Variants in FHOD3 observed in about 807,000 individuals in gnomAD.
FHOD3 encodes formin homology 2 domain containing 3.
A neutral mutation model predicts 173.0 loss-of-function variants in FHOD3; 90 were observed. The observed-to-expected ratio is 0.52, with a 90% CI of 0.44 to 0.62. The LOEUF (loss-of-function observed/expected upper bound fraction) is 0.62. Among genes scored for constraint, FHOD3 ranks in the 20% least tolerant of loss-of-function variants. The pLI is 0.00. For missense variants in FHOD3, 1,945 were observed against 2,034.7 expected (o/e 0.96, Z 0.85); for synonymous variants, 828 against 823.0 (o/e 1.01, Z -0.10).
Position 36,514,014 on chromosome 18 carries a change from C to CTTTTTTTTTTTTTTTT in FHOD3, c.511+1483_511+1484insTTTTTTTTTTTTTTTT, listed in dbSNP as rs58493993. Among the ~76,000 whole-genome samples, 966 of 104,268 alleles carry CTTTTTTTTTTTTTTTT rather than the reference C, an allele frequency of 9.3e-3. 116 individuals carry two copies. The highest frequency in any genetic ancestry group is 0.012 in the Non-Finnish European group (598 of 51,820). 68.4% of individuals were successfully genotyped at this position (104,268 alleles called of 152,430 possible). On this transcript the variant is annotated intron_variant, in intron 5 of 28. Transcript: ENST00000590592. ...ATTGCTGAATTTTGCTATTTCTATT[C>CTTTTTTTTTTTTTTTT]TTTTTTTTTTTTGAGATGGAGTCTT... is the stretch of plus-strand genomic sequence containing the variant.
At chr18:36,556,278 AT>A (rs947454822) in intron 5 of FHOD3, among the ~76,000 whole-genome samples, 3 of 151,890 alleles carry the variant, frequency 2.0e-5, no homozygotes, top group African/African-American at 4.8e-5. Context: ...TTATATATGA[AT>A]TTTTTTTCAG....
At chr18:36,633,253 A>G (rs1327950161) in intron 10 of FHOD3, among the ~76,000 whole-genome samples, 2 of 152,142 alleles carry the variant, frequency 1.3e-5, no homozygotes, top group African/African-American at 4.8e-5. Flanking sequence ...CTCAGATCTT[A>G]TTGGGAAGCT....
chr18:36,430,782 C>G (rs112542872), intron 3 of FHOD3, among the ~76,000 whole-genome samples: 1 of 152,128 alleles, frequency 6.6e-6, no homozygotes, highest in African/African-American at 2.4e-5. Context: ...GCAAGAGACT[C>G]TTGTAAATAT....
At position 36,652,535 on chromosome 18, in the gene FHOD3, TTTC is replaced by T. The variant is rs532630061; in HGVS notation, c.1287-28_1287-26del. ...TTGCTCCTTCTCTCCCAAATCTTTT[TTTC>T]TTCTTCCTCCTCCTCCCTGCTGGCC... On this transcript the variant is annotated intron_variant, in intron 11 of 28. Transcript: ENST00000590592. 995 of 1,496,924 alleles carry T rather than the reference TTTC, an allele frequency of 6.6e-4. 7 individuals are homozygous for T. In the African/African-American group the frequency reaches 0.012, roughly 18 times the overall value. The allele number at this position is 1,496,924 out of a possible 1,614,324, so 92.7% of individuals were successfully genotyped here.
chr18:36,650,445 A>G (rs551771328), intron 11 of FHOD3, among the ~76,000 whole-genome samples: 1 of 152,318 alleles, frequency 6.6e-6, no homozygotes, highest in South Asian at 2.1e-4. Context: ...CTATTTGGAA[A>G]TGACTGAGAA....
At chr18:36,695,067 G>A (rs1179811922) in intron 17 of FHOD3, among the ~76,000 whole-genome samples, 2 of 151,964 alleles carry the variant, frequency 1.3e-5, no homozygotes, top group East Asian at 3.9e-4. Context: ...TTGCAGCTGG[G>A]CACAGTGGCT....
chr18:36,610,986 C>G (rs373830673), intron 8 of FHOD3, among the ~76,000 whole-genome samples: 5 of 152,314 alleles, frequency 3.3e-5, no homozygotes, highest in African/African-American at 1.2e-4. Flanking sequence ...CAGGCTCCTT[C>G]CATCTGTGAG....
At chr18:36,566,616 A>T (rs1242071469) in intron 5 of FHOD3, among the ~76,000 whole-genome samples, 1 of 152,166 alleles carries the variant, frequency 6.6e-6, no homozygotes, top group Non-Finnish European at 1.5e-5. Context: ...TGGAAAAGTC[A>T]TTGGTAAGAA....
At chr18:36,671,234 G>T (rs1362707310) in intron 14 of FHOD3, among the ~76,000 whole-genome samples, 1 of 152,156 alleles carries the variant, frequency 6.6e-6, no homozygotes, top group Non-Finnish European at 1.5e-5. Context: ...TCCCAGCTTT[G>T]TCTCCTCTAC....
intron 20 of FHOD3, among the ~76,000 whole-genome samples, chr18:36,733,959 G>T (rs1455394096): frequency 6.6e-6 from 1 of 152,162 alleles, no homozygotes; most frequent in Non-Finnish European, 1.5e-5. Flanking sequence ...CTGCGGTTTT[G>T]TGGGGTGGCT....
At chr18:36,328,611 G>A (rs762147966) in intron 1 of FHOD3, among the ~76,000 whole-genome samples, 3 of 152,178 alleles carry the variant, frequency 2.0e-5, no homozygotes, top group African/African-American at 4.8e-5. Flanking sequence ...CTGGCTGTTG[G>A]GTGGAGAGAG....
chr18:36,306,633 C>G (rs1236061484), intron 1 of FHOD3, among the ~76,000 whole-genome samples: 3 of 152,196 alleles, frequency 2.0e-5, no homozygotes, highest in Non-Finnish European at 4.4e-5. Context: ...GGGCAAACTC[C>G]AAAGTCCTCG....
intron 3 of FHOD3, among the ~76,000 whole-genome samples, chr18:36,434,781 A>G (rs143457070): frequency 1.6e-4 from 25 of 152,172 alleles, no homozygotes; most frequent in Admixed American, 4.6e-4. Flanking sequence ...ATACTTTGTT[A>G]AATTTATTCT....
At position 36,546,366 on chromosome 18, in the gene FHOD3, T is replaced by C. The variant is rs1451312038; in HGVS notation, c.512-30085T>C. Among the ~76,000 whole-genome samples the C allele has an allele frequency of 3.9e-5, 6 of 152,208 alleles. No individual in the cohort carries two copies. In the East Asian group the frequency reaches 5.8e-4, roughly 15 times the overall value. ...GTCGCAGTTCCTTACATGTGTACTT[T>C]AGAGTTTTGATATTTCATTTAAAAG... On this transcript the variant is annotated intron_variant, in intron 5 of 28. Transcript: ENST00000590592.
intron 3 of FHOD3, among the ~76,000 whole-genome samples, chr18:36,418,280 A>C (rs2049782117): frequency 6.6e-6 from 1 of 152,202 alleles, no homozygotes; most frequent in Non-Finnish European, 1.5e-5. Context: ...ATGTACTCTG[A>C]AAAGGAATTT....
chr18:36,563,658 T>C lies in FHOD3; in HGVS notation c.512-12793T>C, dbSNP rs146652210. 1.5e-3 allele frequency among the ~76,000 whole-genome samples: 235 copies of C among 152,362 alleles called. 1 individual carries two copies. The highest frequency in any genetic ancestry group is 5.4e-3 in the African/African-American group (225 of 41,582). On this transcript the variant is annotated intron_variant, in intron 5 of 28. Transcript: ENST00000590592. ...TGGAGATTACATGCAAACCAGCTTCTCCGTGGGTTTAAGTCCCGTGAGTTT... is the reference window on the plus strand; with the variant it reads ...TGGAGATTACATGCAAACCAGCTTCCCCGTGGGTTTAAGTCCCGTGAGTTT...
At chr18:36,704,362 T>C (rs1175627426) in intron 17 of FHOD3, among the ~76,000 whole-genome samples, 1 of 152,220 alleles carries the variant, frequency 6.6e-6, no homozygotes, top group Non-Finnish European at 1.5e-5. Flanking sequence ...TTACCAGGCA[T>C]TCCTTGCCAT....
intron 19 of FHOD3, among the ~76,000 whole-genome samples, chr18:36,722,211 C>A (rs774504099): frequency 2.0e-5 from 3 of 152,134 alleles, no homozygotes; most frequent in Non-Finnish European, 4.4e-5. Flanking sequence ...ATGTGGTGAG[C>A]CCCATAGGAG....
chr18:36,336,289 T>C (rs769586858), intron 1 of FHOD3, among the ~76,000 whole-genome samples: 1 of 152,192 alleles, frequency 6.6e-6, no homozygotes, highest in Non-Finnish European at 1.5e-5. Context: ...CACAAACGTG[T>C]CACTGCCTGT....
Sources: allele counts gnomAD v4.1 joint callset (sites outside exome capture counted in the v4.1 genomes callset), GRCh38; gene constraint gnomAD v4.1.1; transcripts MANE v1.5; gene names NCBI Gene and HGNC (gene_info 2026-07-23, HGNC 2026-07-21).